The following IFT172 variants were observed in gnomAD, a reference collection of about 807,000 sequenced individuals.
IFT172 encodes intraflagellar transport protein 172 homolog.
Under a neutral mutation model 248.9 loss-of-function variants are expected in IFT172, and 164 were observed. The observed-to-expected ratio is 0.66, with a 90% CI of 0.58 to 0.75. The LOEUF (loss-of-function observed/expected upper bound fraction) is 0.75. Among genes scored for constraint, IFT172 ranks in the 30% least tolerant of loss-of-function variants. IFT172 has a pLI of 0.00. For synonymous variants in IFT172, 729 were observed against 791.6 expected (o/e 0.92, Z 1.33); for missense variants, 1,950 against 2,192.4 (o/e 0.89, Z 2.21).
In IFT172 at chr2:27,449,357, A is replaced by G. The variant is rs754200053; in HGVS notation, c.4248T>C (p.Ala1416=). ...CCTGCTCCACATACAGGTCCAAAGC[A>G]GCTATCACATCCACACCCACCAGCT... ...VDSLVGVDVI[A]ALDLYVEQGQ... is the part of the protein sequence containing the mutation. The change falls in exon 39 of 48, where the codon GCT becomes GCC. Residue 1416 remains alanine (A), a synonymous_variant. Transcript: ENST00000260570. The G allele has an allele frequency of 2.5e-5, 41 of 1,614,036 alleles. No homozygotes were observed. The highest frequency in any genetic ancestry group is 1.6e-4 in the Middle Eastern group (1 of 6,084).
At chr2:27,467,578 C>T (rs981514079) in intron 16 of IFT172, among the ~76,000 whole-genome samples, 2 of 130,934 alleles carry the variant, frequency 1.5e-5, no homozygotes, top group East Asian at 2.2e-4. Context: ...CGCCACTGCA[C>T]TCCAGCATGG....
chr2:27,465,358 T>G (rs760246825), intron 18 of IFT172, 53 bp downstream of exon 18: 18 of 1,438,312 alleles, frequency 1.3e-5, no homozygotes, highest in Admixed American at 1.7e-5. Flanking sequence ...AAAATACTCA[T>G]GTGATTATCC....
rs1301403469 is a variant in IFT172, at chr2:27,450,114, A to G, written c.3952-18T>C. The G allele has an allele frequency of 6.3e-7, 1 of 1,577,140 alleles. No homozygotes were observed. The highest frequency in any genetic ancestry group is 8.7e-7 in the Non-Finnish European group (1 of 1,146,558). On this transcript the variant is annotated intron_variant, in intron 35 of 47. Transcript: ENST00000260570. ...TCAGCTGCCTGAGTGGTTGAACAGA[A>G]GATGGAAATGGGTAGGAGAGACAAA...
chr2:27,485,336 G>A (rs764318095), intron 2 of IFT172, 24 bp downstream of exon 2: 1 of 1,613,330 alleles, frequency 6.2e-7, no homozygotes, highest in Non-Finnish European at 8.5e-7. Flanking sequence ...GGTTAAATAA[G>A]GTACACATGA....
chr2:27,478,275 G>T, intron 10 of IFT172, 119 bp from the exon 11 acceptor site: 1 of 1,167,164 alleles, frequency 8.6e-7, no homozygotes, highest in Non-Finnish European at 1.2e-6. Flanking sequence ...TTTCTTCCCT[G>T]GGTCTAGGAT....
At chr2:27,469,440 GA>G (rs1429259284) in intron 16 of IFT172, among the ~76,000 whole-genome samples, 1 of 152,092 alleles carries the variant, frequency 6.6e-6, no homozygotes, top group Non-Finnish European at 1.5e-5. Flanking sequence ...TATTCTTCAG[GA>G]AGAAGAAAAG....
In IFT172 at chr2:27,445,070, G is replaced by A. The variant is rs560831644; in HGVS notation, c.5104C>T (p.Arg1702Trp). The A allele has an allele frequency of 3.0e-5, 48 of 1,613,972 alleles. No individual in the cohort carries two copies. The East Asian group carries it at 6.0e-4, about 20-fold the overall frequency. ...PILRNKIEFK[R>W]PGKAANKDNW... ...TCCTTGTTAGCAGCCTTCCCTGGCC[G>A]CTTAAATTCAATTTTGTTCCTCAGA... Residue 1702 changes from arginine (R) to tryptophan (W), a missense_variant, in exon 47 of 48, where the codon CGG becomes TGG. Transcript: ENST00000260570. This position sits in a 1 kb window ranked among gnomAD's most constrained non-coding sequence, Gnocchi z 4.4.
intron 7 of IFT172, among the ~76,000 whole-genome samples, chr2:27,481,473 C>T (rs1668367041): frequency 6.6e-6 from 1 of 151,010 alleles, no homozygotes; most frequent in Non-Finnish European, 1.5e-5. Context: ...ACACACACCC[C>T]TATACACATA....
At chr2:27,472,209 G>A (rs1251754271) in intron 15 of IFT172, 41 bp downstream of exon 15, 2 of 1,442,412 alleles carry the variant, frequency 1.4e-6, no homozygotes, top group South Asian at 2.3e-5. Context: ...CACACCCTCT[G>A]TGGGCCAGCC....
At chr2:27,447,460 A>G (rs202042525) in intron 42 of IFT172, 55 bp downstream of exon 42, 262 of 1,594,098 alleles carry the variant, frequency 1.6e-4, no homozygotes, top group Non-Finnish European at 1.7e-4. Flanking sequence ...TCAGCTTTAT[A>G]CATTTGCAGA....
intron 29 of IFT172, 44 bp from the exon 30 acceptor site, chr2:27,456,697 T>C: frequency 6.3e-7 from 1 of 1,592,086 alleles, no homozygotes; most frequent in Non-Finnish European, 8.6e-7. Flanking sequence ...ACAGAGCTTC[T>C]CCCTTCTCAT....
At chr2:27,479,066 G>A (rs1668161634) in intron 10 of IFT172, among the ~76,000 whole-genome samples, 1 of 152,124 alleles carries the variant, frequency 6.6e-6, no homozygotes, top group African/African-American at 2.4e-5. Context: ...GTGCAGTGGT[G>A]CAATCTCAGC....
rs1424359432 is a variant in IFT172, at chr2:27,457,967, C to T, written c.2985G>A (p.Val995=). The change falls in exon 28 of 48, where the codon GTG becomes GTA. Residue 995 remains valine, a synonymous_variant. Coordinates refer to ENST00000260570, the MANE Select transcript of IFT172 (RefSeq NM_015662.3). ...TGGCAAGATCAGGCTCTTGTACTGT[C>T]ACATATAGCCTGGGGAAGGAGATAC... ...GKYREAERLY[V]TVQEPDLAIT... is the part of the protein sequence containing the mutation. 4.3e-6 allele frequency: 7 copies of T among 1,614,158 alleles called. No homozygotes were observed. Among genetic ancestry groups the T allele is most frequent in the South Asian group, 1.1e-5 (1 of 91,078 alleles).
intron 16 of IFT172, among the ~76,000 whole-genome samples, chr2:27,467,419 A>G (rs1313709353): frequency 0.029 from 1,154 of 39,674 alleles, 4 homozygotes; most frequent in Non-Finnish European, 0.037. Context: ...CAGAAAATTG[A>G]AAAAAAAAAA....
rs2148506384 is a variant in IFT172, at chr2:27,461,372, G to A, written c.2339C>T (p.Ala780Val). Reference protein sequence around the residue: ...ISLYLKAGLPAKAARLVLTRE... With the variant: ...ISLYLKAGLPVKAARLVLTRE... The stretch of plus-strand genomic sequence containing the variant: ...GGTCAGCACCAGCCGAGCAGCTTTG[G>A]CAGGGAGCCCAGCTTTGAGGTAGAG... The change falls in exon 22 of 48, where the codon GCC (alanine) becomes GTC (valine). Residue 780 changes from alanine (A) to valine (V), a missense_variant. Ala to Val is a moderately conservative substitution (Grantham distance 64). Around this residue, in one of 3 missense-constraint regions of IFT172, gnomAD observed 1,166 missense variants for 1,254.1 expected, o/e 0.93. Transcript: ENST00000260570. 3 of 1,614,162 alleles carry A rather than the reference G, an allele frequency of 1.9e-6. No homozygotes were observed. Among genetic ancestry groups the A allele is most frequent in the South Asian group, 1.1e-5 (1 of 91,088 alleles).
At chr2:27,476,123 C>T (rs1339199470) in intron 14 of IFT172, among the ~76,000 whole-genome samples, 1 of 151,980 alleles carries the variant, frequency 6.6e-6, no homozygotes, top group African/African-American at 2.4e-5. Flanking sequence ...AAAAATAAGA[C>T]CTCTTCCAGT....
Position 27,457,992 on chromosome 2 carries a change from C to T in IFT172, c.2976-16G>A, listed in dbSNP as rs757892042. ...CACATATAGCCTGGGGAAGGAGATA[C>T]ATCTGGGGCCTCCTAGACCCGACCC... On this transcript the variant is annotated splice_polypyrimidine_tract_variant and intron_variant, in intron 27 of 47. Transcript: ENST00000260570. The T allele has an allele frequency of 2.5e-6, 4 of 1,614,168 alleles. No individual in the cohort carries two copies. The highest frequency in any genetic ancestry group is 3.4e-6 in the Non-Finnish European group (4 of 1,180,026).
chr2:27,459,996 G>T (rs1340350450), intron 23 of IFT172, among the ~76,000 whole-genome samples, 167 bp from the exon 24 acceptor site: 1 of 152,148 alleles, frequency 6.6e-6, no homozygotes, highest in Non-Finnish European at 1.5e-5. Context: ...AAAAGCAAGA[G>T]AGATCAGATT....
chr2:27,467,418 G>GAAAAAAA (rs34115935), intron 16 of IFT172, among the ~76,000 whole-genome samples: 5 of 16,428 alleles, frequency 3.0e-4, no homozygotes, highest in Non-Finnish European at 5.3e-4. Flanking sequence ...ACAGAAAATT[G>GAAAAAAA]AAAAAAAAAA....
Sources: gnomAD v4.1 joint callset for allele counts (sites outside exome capture counted in the v4.1 genomes callset) on GRCh38, gnomAD v4.1.1 for gene constraint, gnomAD v4.1.1 regional missense constraint, Gnocchi (gnomAD v3.1) non-coding constraint, MANE v1.5 for transcripts, NCBI Gene and HGNC (gene_info 2026-07-23, HGNC 2026-07-21) for gene names.